FBXO22: variants seen among roughly 807,000 people sequenced by gnomAD.
FBXO22 encodes the protein F-box only protein 22.
FBXO22 carries 13 observed loss-of-function variants against 37.2 expected under a neutral mutation model. The ratio of observed to expected loss-of-function variants is 0.35; its 90% CI spans 0.23 to 0.56. The LOEUF (loss-of-function observed/expected upper bound fraction) is 0.56, where lower values mean the gene tolerates loss of function less well. Ranked by LOEUF, FBXO22 falls within the 20% of genes least tolerant of loss-of-function variation. The pLI, the probability that FBXO22 is intolerant of heterozygous loss-of-function variation, is 0.87. For missense variants in FBXO22, 446 were observed against 509.9 expected (o/e 0.87, Z 1.21); for synonymous variants, 189 against 189.1 (o/e 1.00, Z 0.00).
At chr15:75,909,480 G>A (rs1448407203) in intron 2 of FBXO22, among the ~76,000 whole-genome samples, 1 of 152,178 alleles carries the variant, frequency 6.6e-6, no homozygotes, top group African/African-American at 2.4e-5. Context: ...AGTGAAAAGG[G>A]AGTGATACAG....
intron 5 of FBXO22, among the ~76,000 whole-genome samples, chr15:75,921,834 A>G (rs1189946388): frequency 6.6e-6 from 1 of 152,084 alleles, no homozygotes; most frequent in Non-Finnish European, 1.5e-5. Context: ...AGGCCTATAC[A>G]GAGTCAAGAT....
rs2031056914 is a variant in FBXO22 at position 75,942,179 on chromosome 15, TGGAGTAGAGA to T, written c.*9078_*9087del. Reference sequence around the variant, plus strand: ...TGGGAGAGAGGGAGGGGTAAATACATGGAGTAGAGATTTTTAGGGTGGTGAAACTACTGTA... The same window carrying T: ...TGGGAGAGAGGGAGGGGTAAATACATTTTTTAGGGTGGTGAAACTACTGTA... On this transcript the variant is annotated 3_prime_UTR_variant, in exon 7 of 7. Coordinates refer to ENST00000308275, the MANE Select transcript of FBXO22 (RefSeq NM_147188.3). The T allele has an allele frequency of 6.6e-6, 1 of 151,868 alleles. No individual in the cohort carries two copies. Among genetic ancestry groups the T allele is most frequent in the East Asian group, 1.9e-4 (1 of 5,186 alleles). 9.4% of individuals were successfully genotyped at this position (151,868 alleles called of 1,614,324 possible). A position where few individuals can be genotyped will look rare whatever the true frequency, so the allele number is the denominator to read the frequency against.
rs1379715269 is a variant in FBXO22, at chr15:75,932,921, C to G, written c.1031C>G (p.Ala344Gly). Residue 344 changes from alanine to glycine, a missense_variant, in exon 7 of 7, where the codon GCA becomes GGA. Physicochemically the swap from Ala to Gly is moderately conservative, Grantham distance 60. Transcript: ENST00000308275. ...GCCAAGGGGAATGTTGAGGCTGATGCATTTAGAAAGTTTTTTCCTAGTGTT... is the reference window on the plus strand; with the variant it reads ...GCCAAGGGGAATGTTGAGGCTGATGGATTTAGAAAGTTTTTTCCTAGTGTT... ...YRAKGNVEAD[A>G]FRKFFPSVPL... is the part of the protein sequence containing the mutation. 4 of 1,614,198 alleles carry G rather than the reference C, an allele frequency of 2.5e-6. No homozygotes were observed. Among genetic ancestry groups the G allele is most frequent in the Non-Finnish European group, 2.5e-6 (3 of 1,180,032 alleles).
At chr15:75,904,469 C>G in intron 1 of FBXO22, 22 bp from the exon 2 acceptor site, 1 of 1,613,566 alleles carries the variant, frequency 6.2e-7, no homozygotes. Flanking sequence ...GTTCGCAATC[C>G]TTTGTGCGTT....
Position 75,904,551 on chromosome 15 carries a change from C to G in FBXO22, c.201C>G (p.Thr67=), listed in dbSNP as rs778035636. Residue 67 remains threonine, a synonymous_variant, in exon 2 of 7, where the codon ACC becomes ACG. Transcript: ENST00000308275. The stretch of plus-strand genomic sequence containing the variant: ...TATTGCGGACCCATCGGAGCGTAAC[C>G]TGGATCTCCGCAGGCCTGGCGGAGG... The part of the protein sequence containing the change: ...RRVLRTHRSV[T]WISAGLAEAG... 3 of 1,613,990 alleles carry G rather than the reference C, an allele frequency of 1.9e-6. No homozygotes were observed. The highest frequency in any genetic ancestry group is 1.7e-4 in the Middle Eastern group (1 of 6,058).
In FBXO22 at chr15:75,939,425, C is replaced by G. The variant is rs2141741722; in HGVS notation, c.*6323C>G. The stretch of plus-strand genomic sequence containing the variant: ...CCAGTAAGGTAATTGAATTAGTAAT[C>G]AAAATTCTCCTGGAAAAAAAGCACT... On this transcript the variant is annotated 3_prime_UTR_variant, in exon 7 of 7. Transcript: ENST00000308275. 6.6e-6 allele frequency: 1 copy of G among 152,180 alleles called. No individual in the cohort carries two copies. The highest frequency in any genetic ancestry group is 3.4e-3 in the Middle Eastern group (1 of 294). The allele number at this position is 152,180 out of a possible 1,614,324, so 9.4% of individuals were successfully genotyped here. A position where few individuals can be genotyped will look rare whatever the true frequency, so the allele number is the denominator to read the frequency against.
intron 5 of FBXO22, among the ~76,000 whole-genome samples, chr15:75,924,645 C>T (rs76586437): frequency 3.1e-4 from 47 of 152,272 alleles, no homozygotes; most frequent in Non-Finnish European, 5.3e-4. Context: ...TTCATGTAAT[C>T]CAGGGAAGGG....
At position 75,941,683 on chromosome 15, in the gene FBXO22, T is replaced by C. The variant is rs1292983036; in HGVS notation, c.*8581T>C. On this transcript the variant is annotated 3_prime_UTR_variant, in exon 7 of 7. Coordinates refer to ENST00000308275, the MANE Select transcript of FBXO22 (RefSeq NM_147188.3). ...GGACAATACTATATGAATCCACTGA[T>C]GTGAGGTACCTAGACTAGTGAGATT... 2 of 152,154 alleles carry C rather than the reference T, an allele frequency of 1.3e-5. No homozygotes were observed. The highest frequency in any genetic ancestry group is 4.8e-5 in the African/African-American group (2 of 41,450). The allele number at this position is 152,154 out of a possible 1,614,324, so 9.4% of individuals were successfully genotyped here. A position where few individuals can be genotyped will look rare whatever the true frequency, so the allele number is the denominator to read the frequency against.
At chr15:75,921,480 TG>T (rs1300729602) in intron 5 of FBXO22, among the ~76,000 whole-genome samples, 2 of 152,084 alleles carry the variant, frequency 1.3e-5, no homozygotes, top group Non-Finnish European at 2.9e-5. Flanking sequence ...CTGGTCAACA[TG>T]GTGAAACCCC....
chr15:75,931,196 A>T (rs1446205122), intron 6 of FBXO22, among the ~76,000 whole-genome samples: 1 of 152,154 alleles, frequency 6.6e-6, no homozygotes, highest in African/African-American at 2.4e-5. Flanking sequence ...CCTCACTCAG[A>T]CTTATAACAT....
Position 75,937,502 on chromosome 15 carries a change from CTG to C in FBXO22, c.*4402_*4403del, listed in dbSNP as rs2030481578. ...CCAGCCTGGGCAATGGAGCAAGACTCTGTCTCAAAAAAAAAAAAAAAAAAAAA... is the reference window on the plus strand; with the variant it reads ...CCAGCCTGGGCAATGGAGCAAGACTCTCTCAAAAAAAAAAAAAAAAAAAAA... On this transcript the variant is annotated 3_prime_UTR_variant, in exon 7 of 7. Coordinates refer to ENST00000308275, the MANE Select transcript of FBXO22 (RefSeq NM_147188.3). The C allele has an allele frequency of 1.1e-5, 1 of 90,304 alleles. No homozygotes were observed. Among genetic ancestry groups the C allele is most frequent in the Non-Finnish European group, 2.0e-5 (1 of 50,552 alleles). 5.6% of individuals were successfully genotyped at this position (90,304 alleles called of 1,614,324 possible).
intron 4 of FBXO22, among the ~76,000 whole-genome samples, chr15:75,916,278 G>A (rs1900186425): frequency 6.6e-6 from 1 of 151,870 alleles, no homozygotes; most frequent in African/African-American, 2.4e-5. Flanking sequence ...AGTCTACTAG[G>A]GCTACCATAA....
At chr15:75,921,820 G>C (rs1049799373) in intron 5 of FBXO22, among the ~76,000 whole-genome samples, 1 of 151,050 alleles carries the variant, frequency 6.6e-6, no homozygotes, top group African/African-American at 2.4e-5. Context: ...ACACACATTA[G>C]CCTAGGCCTA....
In FBXO22 at chr15:75,932,667, C is replaced by G. The variant is rs749604173; in HGVS notation, c.795-18C>G. ...TTTAATGTTTCATGAGATATTGCCA[C>G]TTTTCTAAATTTTCCAGGAACCCTC... On this transcript the variant is annotated intron_variant, in intron 6 of 6. Coordinates refer to ENST00000308275, the MANE Select transcript of FBXO22 (RefSeq NM_147188.3). 1.3e-6 allele frequency: 2 copies of G among 1,554,654 alleles called. No individual in the cohort carries two copies. Among genetic ancestry groups the G allele is most frequent in the Non-Finnish European group, 1.7e-6 (2 of 1,155,238 alleles).
chr15:75,913,366 G>A, intron 3 of FBXO22, 76 bp downstream of exon 3: 1 of 969,906 alleles, frequency 1.0e-6, no homozygotes, highest in Non-Finnish European at 1.6e-6. Context: ...TATTATACTT[G>A]TCCTGAGAGT....
In FBXO22 at chr15:75,941,126, A is replaced by T. The variant is rs971678287; in HGVS notation, c.*8024A>T. The T allele has an allele frequency of 1.3e-5, 2 of 152,172 alleles. No homozygotes were observed. Among genetic ancestry groups the T allele is most frequent in the African/African-American group, 4.8e-5 (2 of 41,454 alleles). The allele number at this position is 152,172 out of a possible 1,614,324, so 9.4% of individuals were successfully genotyped here. A position where few individuals can be genotyped will look rare whatever the true frequency, so the allele number is the denominator to read the frequency against. ...AACCTGATTTAAAAAATGGCAAAGG[A>T]TTTGGATAGATCTCCAGAGAGGACA... On this transcript the variant is annotated 3_prime_UTR_variant, in exon 7 of 7. Transcript: ENST00000308275.
chr15:75,908,662 GGTAGCTC>G (rs796439307), intron 2 of FBXO22, among the ~76,000 whole-genome samples: 71 of 152,328 alleles, frequency 4.7e-4, no homozygotes, highest in African/African-American at 1.6e-3. Context: ...AAGAGGGTCA[GGTAGCTC>G]AATAGTCGTA....
intron 6 of FBXO22, 108 bp downstream of exon 6, chr15:75,930,157 A>G: frequency 3.2e-6 from 5 of 1,562,390 alleles, no homozygotes; most frequent in East Asian, 2.3e-5. Flanking sequence ...AATTATTAAG[A>G]TAATAGTTCA....
intron 5 of FBXO22, among the ~76,000 whole-genome samples, chr15:75,925,797 C>T (rs1378511525): frequency 6.6e-6 from 1 of 151,944 alleles, no homozygotes; most frequent in East Asian, 1.9e-4. Context: ...TCCAAATGCA[C>T]CAACCACAAA....
Sources: allele counts gnomAD v4.1 joint callset (sites outside exome capture counted in the v4.1 genomes callset), GRCh38; gene constraint gnomAD v4.1.1; transcripts MANE v1.5; gene names NCBI Gene and HGNC (gene_info 2026-07-23, HGNC 2026-07-21).